The following ZDHHC17 variants were observed in gnomAD, a reference collection of about 807,000 sequenced individuals.
ZDHHC17 encodes zDHHC palmitoyltransferase 17.
Under a neutral mutation model 90.3 loss-of-function variants are expected in ZDHHC17, and 40 were observed. That is an observed-to-expected ratio of 0.44 (90% confidence interval 0.34 to 0.58). The LOEUF is 0.58. Ranked by LOEUF, ZDHHC17 falls within the 20% of genes least tolerant of loss-of-function variation. ZDHHC17 has a pLI of 0.01. For missense variants in ZDHHC17, 614 were observed against 780.8 expected (o/e 0.79, Z 2.55); for synonymous variants, 235 against 252.4 (o/e 0.93, Z 0.65).
chr12:76,832,084 A>G (rs1267479805), intron 10 of ZDHHC17, among the ~76,000 whole-genome samples: 1 of 152,208 alleles, frequency 6.6e-6, no homozygotes, highest in African/African-American at 2.4e-5. Context: ...TAGGCCCTCT[A>G]CGATTTTGGA....
chr12:76,780,272 T>G (rs1266233476), intron 1 of ZDHHC17, among the ~76,000 whole-genome samples: 1 of 152,208 alleles, frequency 6.6e-6, no homozygotes, highest in Non-Finnish European at 1.5e-5. Flanking sequence ...ATGGCATGCC[T>G]GCTTATTTAT....
chr12:76,815,370 C>T (rs1435595175), intron 6 of ZDHHC17, among the ~76,000 whole-genome samples, 160 bp downstream of exon 6: 1 of 151,926 alleles, frequency 6.6e-6, no homozygotes, highest in East Asian at 1.9e-4. Flanking sequence ...TCTGGTATCT[C>T]TGTGCTGTCT....
intron 1 of ZDHHC17, chr12:76,764,567 A>G (rs1343035365): frequency 3.0e-5 from 17 of 574,090 alleles, no homozygotes; most frequent in Admixed American, 1.5e-4. Context: ...CCTGGAGGAC[A>G]GAGGTGGAGG....
intron 9 of ZDHHC17, among the ~76,000 whole-genome samples, chr12:76,827,806 T>C (rs949497884): frequency 6.6e-6 from 1 of 152,118 alleles, no homozygotes; most frequent in African/African-American, 2.4e-5. Flanking sequence ...AAATAGGAAG[T>C]CACTAAGACC....
Position 76,793,451 on chromosome 12 carries a change from C to T in ZDHHC17, c.94-3983C>T, listed in dbSNP as rs182341234. 1.4e-3 allele frequency among the ~76,000 whole-genome samples: 215 copies of T among 152,246 alleles called. 1 individual carries two copies. The highest frequency in any genetic ancestry group is 4.8e-3 in the African/African-American group (200 of 41,550). Reference sequence around the variant, plus strand: ...AGGAGAATGGTTTGTACCTGGGAGGCGGAGGTTGCAGTGAGCTGAGATCAT... The same window carrying T: ...AGGAGAATGGTTTGTACCTGGGAGGTGGAGGTTGCAGTGAGCTGAGATCAT... On this transcript the variant is annotated intron_variant, in intron 1 of 16. Transcript: ENST00000426126.
intron 1 of ZDHHC17, among the ~76,000 whole-genome samples, chr12:76,767,065 G>C (rs1954368478): frequency 6.6e-6 from 1 of 151,738 alleles, no homozygotes; most frequent in South Asian, 2.1e-4. Context: ...ATGCTGCCTA[G>C]TTTACTTGGC....
At chr12:76,832,917 C>A (rs762705240) in intron 10 of ZDHHC17, among the ~76,000 whole-genome samples, 1 of 152,174 alleles carries the variant, frequency 6.6e-6, no homozygotes, top group Non-Finnish European at 1.5e-5. Flanking sequence ...CTGTTTTGTT[C>A]ATGCCCGTTG....
intron 3 of ZDHHC17, 84 bp downstream of exon 3, chr12:76,805,523 A>G (rs918668252): frequency 8.7e-7 from 1 of 1,147,902 alleles, no homozygotes; most frequent in African/African-American, 1.6e-5. Context: ...ATAAAAACTA[A>G]TACTTTCTAA....
intron 1 of ZDHHC17, among the ~76,000 whole-genome samples, chr12:76,773,222 T>C (rs1194837341): frequency 6.6e-6 from 1 of 152,164 alleles, no homozygotes. Context: ...AATAGTTCCA[T>C]GGCCTTAAAA....
intron 1 of ZDHHC17, among the ~76,000 whole-genome samples, chr12:76,780,043 A>G (rs899314596): frequency 6.6e-6 from 1 of 152,150 alleles, no homozygotes; most frequent in Non-Finnish European, 1.5e-5. Context: ...AGTCTTGATT[A>G]CTATAGCTAT....
intron 1 of ZDHHC17, among the ~76,000 whole-genome samples, chr12:76,781,928 C>G (rs1011173810): frequency 6.6e-6 from 1 of 152,100 alleles, no homozygotes; most frequent in Non-Finnish European, 1.5e-5. Context: ...TTGTATATAA[C>G]TGAGTGTTAA....
At chr12:76,773,287 T>G (rs1952518043) in intron 1 of ZDHHC17, among the ~76,000 whole-genome samples, 1 of 152,224 alleles carries the variant, frequency 6.6e-6, no homozygotes, top group African/African-American at 2.4e-5. Flanking sequence ...TTTTTTTTAC[T>G]GTCTCTTTAG....
At position 76,822,550 on chromosome 12, in the gene ZDHHC17, A is replaced by ATT. The variant is rs10618043; in HGVS notation, c.897+39_897+40dup. On this transcript the variant is annotated intron_variant, in intron 8 of 16. Transcript: ENST00000426126. ...TGATAAGGTAAACTCATAACTGAAGATTTTTTTTTTTTTTTTTTTTTGAGA... is the reference window on the plus strand; with the variant it reads ...TGATAAGGTAAACTCATAACTGAAGATTTTTTTTTTTTTTTTTTTTTTTGAGA... 2,260 of 1,212,222 alleles carry ATT rather than the reference A, an allele frequency of 1.9e-3. No individual in the cohort carries two copies. Among genetic ancestry groups the ATT allele is most frequent in the South Asian group, 2.6e-3 (172 of 65,976 alleles). 75.1% of individuals were successfully genotyped at this position (1,212,222 alleles called of 1,614,324 possible).
intron 1 of ZDHHC17, among the ~76,000 whole-genome samples, chr12:76,771,268 A>T (rs539954765): frequency 2.0e-5 from 3 of 152,346 alleles, no homozygotes; most frequent in African/African-American, 7.2e-5. Flanking sequence ...TTGAAAGTAC[A>T]GTGAAACTTC....
intron 1 of ZDHHC17, among the ~76,000 whole-genome samples, chr12:76,765,744 A>G (rs1020302200): frequency 1.3e-5 from 2 of 152,232 alleles, no homozygotes; most frequent in Non-Finnish European, 2.9e-5. Context: ...CCTGTCCCCC[A>G]GGCAGGAGTG....
rs774929216 is a variant in ZDHHC17, at chr12:76,848,260, A to C, written c.1535A>C (p.Tyr512Ser). ...TGGGGACTCCACTGTGAGACCACTTACACCAAGGATGGATTTTGGACATAC... is the reference window on the plus strand; with the variant it reads ...TGGGGACTCCACTGTGAGACCACTTCCACCAAGGATGGATTTTGGACATAC... ...SYWGLHCETT[Y>S]TKDGFWTYIT... The change falls in exon 15 of 17, where the codon TAC becomes TCC. Residue 512 changes from tyrosine (Y) to serine (S), a missense_variant. By Grantham distance (144) the Tyr-to-Ser change is moderately radical. Coordinates refer to ENST00000426126, the MANE Select transcript of ZDHHC17 (RefSeq NM_015336.4). 4 of 1,613,946 alleles carry C rather than the reference A, an allele frequency of 2.5e-6. No homozygotes were observed. Among genetic ancestry groups the C allele is most frequent in the Non-Finnish European group, 3.4e-6 (4 of 1,179,860 alleles).
intron 16 of ZDHHC17, 132 bp downstream of exon 16, chr12:76,849,602 T>C (rs1327565913): frequency 5.2e-6 from 3 of 576,114 alleles, no homozygotes; most frequent in Non-Finnish European, 9.1e-6. Flanking sequence ...TAGCATCAGT[T>C]CACCATAATA....
In ZDHHC17 at chr12:76,801,840, A is replaced by G. The variant is rs190010204; in HGVS notation, c.198-3477A>G. On this transcript the variant is annotated intron_variant, in intron 2 of 16. Coordinates refer to ENST00000426126, the MANE Select transcript of ZDHHC17 (RefSeq NM_015336.4). Reference sequence around the variant, plus strand: ...TATTTCCAACAGACATAAAGTAATAATTATTTTAAATGCATTGGTCTCTAA... The same window carrying G: ...TATTTCCAACAGACATAAAGTAATAGTTATTTTAAATGCATTGGTCTCTAA... Among the ~76,000 whole-genome samples, 98 of 152,286 alleles carry G rather than the reference A, an allele frequency of 6.4e-4. 1 individual carries two copies. Among genetic ancestry groups the G allele is most frequent in the African/African-American group, 2.0e-3 (85 of 41,554 alleles).
chr12:76,769,418 A>G (rs1952468136), intron 1 of ZDHHC17, among the ~76,000 whole-genome samples: 2 of 152,026 alleles, frequency 1.3e-5, no homozygotes, highest in South Asian at 2.1e-4. Flanking sequence ...TTGCCCTATT[A>G]TGTATATATT....
Sources: allele counts gnomAD v4.1 joint callset (sites outside exome capture counted in the v4.1 genomes callset), GRCh38; gene constraint gnomAD v4.1.1; transcripts MANE v1.5; gene names NCBI Gene and HGNC (gene_info 2026-07-23, HGNC 2026-07-21).